IMMP2L: variants seen among roughly 807,000 people sequenced by gnomAD.
IMMP2L encodes inner mitochondrial membrane peptidase subunit 2.
Under a neutral mutation model 19.3 loss-of-function variants are expected in IMMP2L, and 18 were observed. The observed-to-expected ratio is 0.93, with a 90% CI of 0.64 to 1.38. The LOEUF is 1.38. IMMP2L is among the 40% of genes most tolerant of loss of function. IMMP2L has a pLI of 0.00. For synonymous variants in IMMP2L, 76 were observed against 73.0 expected, an observed-to-expected ratio of 1.04 and a Z score of -0.21; for missense variants, 233 against 218.2, an observed-to-expected ratio of 1.07 and a Z score of -0.43.
chr7:110,739,478 T>C (rs1796853647), intron 5 of IMMP2L, among the ~76,000 whole-genome samples: 1 of 152,150 alleles, frequency 6.6e-6, no homozygotes, highest in South Asian at 2.1e-4. Flanking sequence ...GGACATTACA[T>C]AATGATAAAA....
intron 1 of IMMP2L, among the ~76,000 whole-genome samples, chr7:111,530,694 A>G (rs1847308143): frequency 1.3e-5 from 2 of 152,076 alleles, no homozygotes; most frequent in Non-Finnish European, 2.9e-5. Context: ...GAGAAAGGCT[A>G]AAAAGAAAAA....
intron 5 of IMMP2L, among the ~76,000 whole-genome samples, chr7:110,873,609 CAA>C (rs112177055): frequency 0.05 from 5,748 of 114,250 alleles, 383 homozygotes; most frequent in African/African-American, 0.16. Context: ...ACTAAAATTA[CAA>C]AAAAAAAAAA....
chr7:111,119,640 G>C (rs1188805364), intron 3 of IMMP2L, among the ~76,000 whole-genome samples: 3 of 152,170 alleles, frequency 2.0e-5, no homozygotes, highest in Non-Finnish European at 4.4e-5. Flanking sequence ...TAGAAATTAA[G>C]CAGATAGAAT....
intron 3 of IMMP2L, among the ~76,000 whole-genome samples, chr7:111,110,844 A>G (rs1022108370): frequency 2.6e-5 from 4 of 152,198 alleles, no homozygotes; most frequent in African/African-American, 4.8e-5. Context: ...AATGTCCCAG[A>G]TCAAATTTAA....
In IMMP2L at chr7:111,522,864, C is replaced by G. The variant is rs2396392; in HGVS notation, c.-2-1415G>C. Among the ~76,000 whole-genome samples the G allele has an allele frequency of 1.3e-3, 195 of 148,504 alleles. 1 individual carries two copies. Among genetic ancestry groups the G allele is most frequent in the Admixed American group, 4.2e-3 (62 of 14,896 alleles). Reference sequence around the variant, plus strand: ...TTTATCACAGCACTATTCACAATAGCCAAGGTATGGAATTAATCCAAGTGT... The same window carrying G: ...TTTATCACAGCACTATTCACAATAGGCAAGGTATGGAATTAATCCAAGTGT... On this transcript the variant is annotated intron_variant, in intron 1 of 5. Coordinates refer to ENST00000405709, the MANE Select transcript of IMMP2L (RefSeq NM_032549.4).
At chr7:110,874,585 T>C (rs1808874123) in intron 5 of IMMP2L, among the ~76,000 whole-genome samples, 1 of 152,164 alleles carries the variant, frequency 6.6e-6, no homozygotes, top group South Asian at 2.1e-4. Context: ...ATAATGTTCT[T>C]CCATCTAAAA....
chr7:111,231,051 T>TGTGC (rs963860149), intron 3 of IMMP2L, among the ~76,000 whole-genome samples: 1 of 151,366 alleles, frequency 6.6e-6, no homozygotes, highest in African/African-American at 2.4e-5. Context: ...TGTGTGTGTG[T>TGTGC]GTGTACATAT....
chr7:111,037,975 T>A (rs550851445), intron 3 of IMMP2L, among the ~76,000 whole-genome samples: 1 of 152,294 alleles, frequency 6.6e-6, no homozygotes, highest in East Asian at 1.9e-4. Context: ...TGTGTCTAAA[T>A]AATCTATCCA....
intron 5 of IMMP2L, among the ~76,000 whole-genome samples, chr7:110,844,717 G>A: frequency 1.9e-5 from 1 of 51,664 alleles, no homozygotes; most frequent in Non-Finnish European, 3.7e-5. Flanking sequence ...CAGCAGTCCA[G>A]AAGGAGAGAT....
At chr7:111,006,858 G>A (rs1342416562) in intron 3 of IMMP2L, among the ~76,000 whole-genome samples, 1 of 152,106 alleles carries the variant, frequency 6.6e-6, no homozygotes, top group African/African-American at 2.4e-5. Flanking sequence ...GACTTCATCA[G>A]TTTCTTTCCC....
chr7:111,131,686 C>T (rs1418978414), intron 3 of IMMP2L, among the ~76,000 whole-genome samples: 4 of 151,850 alleles, frequency 2.6e-5, no homozygotes, highest in Non-Finnish European at 4.4e-5. Flanking sequence ...GTGTATAATA[C>T]ATTACATAAT....
intron 5 of IMMP2L, among the ~76,000 whole-genome samples, chr7:110,814,376 C>T (rs1221397379): frequency 6.6e-6 from 1 of 150,860 alleles, no homozygotes; most frequent in Non-Finnish European, 1.5e-5. Flanking sequence ...GAGCATTGTT[C>T]TCTATTTACT....
At chr7:111,370,642 T>C (rs1442431139) in intron 3 of IMMP2L, among the ~76,000 whole-genome samples, 1 of 151,928 alleles carries the variant, frequency 6.6e-6, no homozygotes, top group Admixed American at 6.6e-5. Context: ...GCATAATTAG[T>C]AGCACTACCA....
At chr7:111,284,711 G>A (rs1188148523) in intron 3 of IMMP2L, among the ~76,000 whole-genome samples, 1 of 152,168 alleles carries the variant, frequency 6.6e-6, no homozygotes, top group Non-Finnish European at 1.5e-5. Context: ...ATGAAGTGTT[G>A]CCATAGAGGA....
intron 5 of IMMP2L, among the ~76,000 whole-genome samples, chr7:110,666,988 C>T (rs1428443864): frequency 6.6e-6 from 1 of 152,158 alleles, no homozygotes; most frequent in Non-Finnish European, 1.5e-5. Flanking sequence ...TCTCCTGCCT[C>T]AGCCTCCTGA....
At chr7:111,087,514 T>C (rs1026461077) in intron 3 of IMMP2L, among the ~76,000 whole-genome samples, 1 of 151,136 alleles carries the variant, frequency 6.6e-6, no homozygotes, top group African/African-American at 2.4e-5. Flanking sequence ...GGAATAGGTA[T>C]AATTTATATA....
chr7:111,384,185 G>GAAGGAGA (rs889447930), intron 3 of IMMP2L, among the ~76,000 whole-genome samples: 2 of 150,990 alleles, frequency 1.3e-5, no homozygotes, highest in Non-Finnish European at 2.9e-5. Context: ...AGGAGAAGGA[G>GAAGGAGA]AAGGAGAAAG....
chr7:111,400,239 A>C (rs1216457626), intron 3 of IMMP2L, among the ~76,000 whole-genome samples: 1 of 152,172 alleles, frequency 6.6e-6, no homozygotes, highest in Non-Finnish European at 1.5e-5. Context: ...TTGTTAAATA[A>C]ATGAATGAGT....
chr7:110,933,524 T>C (rs1261689394), intron 4 of IMMP2L, among the ~76,000 whole-genome samples: 1 of 152,228 alleles, frequency 6.6e-6, no homozygotes, highest in Non-Finnish European at 1.5e-5. Flanking sequence ...AATTATATGA[T>C]GCTTTTATAA....
Sources: gnomAD v4.1 joint callset for allele counts (sites outside exome capture counted in the v4.1 genomes callset) on GRCh38, gnomAD v4.1.1 for gene constraint, MANE v1.5 for transcripts, NCBI Gene and HGNC (gene_info 2026-07-23, HGNC 2026-07-21) for gene names.